RBM6: variants seen among roughly 807,000 people sequenced by gnomAD.
The protein encoded by RBM6 is RNA-binding protein 6.
In RBM6, 23 loss-of-function variants were observed where a neutral mutation model predicts 140.4. The ratio of observed to expected loss-of-function variants is 0.16; its 90% confidence interval spans 0.12 to 0.23. The LOEUF is 0.23. Ranked by LOEUF, RBM6 falls within the 10% of genes least tolerant of loss-of-function variation. The pLI is 1.00. For missense variants in RBM6, 1,139 were observed against 1,386.7 expected (o/e 0.82, Z 2.84); for synonymous variants, 439 against 475.6 (o/e 0.92, Z 1.00).
intron 1 of RBM6, among the ~76,000 whole-genome samples, chr3:49,946,997 T>G (rs1160331332): frequency 6.6e-6 from 1 of 150,396 alleles, no homozygotes; most frequent in Non-Finnish European, 1.5e-5. Flanking sequence ...TGGAGAAGTA[T>G]CTATTCATGT....
chr3:49,942,630 C>G (rs914531684), intron 1 of RBM6, among the ~76,000 whole-genome samples: 1 of 152,088 alleles, frequency 6.6e-6, no homozygotes, highest in East Asian at 1.9e-4. Context: ...TGGTGGCTCA[C>G]GCCTGTAATC....
intron 7 of RBM6, among the ~76,000 whole-genome samples, chr3:50,049,370 A>G (rs1447811008): frequency 6.6e-6 from 1 of 152,134 alleles, no homozygotes; most frequent in Non-Finnish European, 1.5e-5. Flanking sequence ...TCGGCCTCCC[A>G]AAGTATTGAG....
Position 50,000,424 on chromosome 3 carries a change from C to CT in RBM6, c.1557+924dup, listed in dbSNP as rs545032948. 1.9e-3 allele frequency among the ~76,000 whole-genome samples: 214 copies of CT among 113,588 alleles called. 2 individuals are homozygous for CT. The South Asian group carries it at 0.019, about 10-fold the overall frequency. 74.5% of individuals were successfully genotyped at this position (113,588 alleles called of 152,430 possible). A position where few individuals can be genotyped will look rare whatever the true frequency, so the allele number is the denominator to read the frequency against. Reference sequence around the variant, plus strand: ...GTGGGCCCAGAATCTTTCTTTCTTTCTTTTTTTTTTTTTGAGACGGAGTTT... The same window carrying CT: ...GTGGGCCCAGAATCTTTCTTTCTTTCTTTTTTTTTTTTTTGAGACGGAGTTT... On this transcript the variant is annotated intron_variant, in intron 6 of 20. Transcript: ENST00000266022.
At chr3:49,990,813 G>A (rs2248256) in intron 5 of RBM6, among the ~76,000 whole-genome samples, 4,897 of 152,270 alleles carry the variant, frequency 0.032, 275 homozygotes, top group African/African-American at 0.11. Flanking sequence ...ATAGATGGAT[G>A]TCTGAACATG....
chr3:49,972,640 C>A (rs2084854781), intron 4 of RBM6, among the ~76,000 whole-genome samples: 1 of 152,136 alleles, frequency 6.6e-6, no homozygotes, highest in Non-Finnish European at 1.5e-5. Context: ...ATTTAATTAT[C>A]ACATATTTAA....
chr3:50,060,984 A>T lies in RBM6; in HGVS notation c.2257A>T (p.Met753Leu). The T allele has an allele frequency of 1.9e-6, 3 of 1,588,982 alleles. No homozygotes were observed. The highest frequency in any genetic ancestry group is 2.6e-6 in the Non-Finnish European group (3 of 1,168,804). Reference sequence around the variant, plus strand: ...TGATTCTGGGGACCATTCTGACCACATGCATTACTATCAGGTAGGCTGTAA... The same window carrying T: ...TGATTCTGGGGACCATTCTGACCACTTGCATTACTATCAGGTAGGCTGTAA... Reference protein sequence around the residue: ...RNDSGDHSDHMHYYQGKKYFR... With the variant: ...RNDSGDHSDHLHYYQGKKYFR... The change falls in exon 12 of 21, where the codon ATG becomes TTG. Residue 753 changes from methionine (M) to leucine (L), a missense_variant. Met to Leu is a conservative substitution (Grantham distance 15). Transcript: ENST00000266022.
chr3:49,947,010 T>A (rs557357653), intron 1 of RBM6, among the ~76,000 whole-genome samples: 1 of 150,962 alleles, frequency 6.6e-6, no homozygotes, highest in South Asian at 2.1e-4. Flanking sequence ...ATTCATGTCT[T>A]TTGTTGACCA....
At chr3:50,060,783 T>C (rs1040466192) in intron 11 of RBM6, 173 bp from the exon 12 acceptor site, 2 of 415,982 alleles carry the variant, frequency 4.8e-6, no homozygotes, top group Non-Finnish European at 8.3e-6. Flanking sequence ...AAAAGAGTCT[T>C]ACTGCTCATT....
intron 5 of RBM6, among the ~76,000 whole-genome samples, chr3:49,978,774 C>A (rs1332830283): frequency 2.6e-5 from 4 of 152,080 alleles, no homozygotes; most frequent in African/African-American, 9.7e-5. Context: ...TACCAAAAAA[C>A]TTGACATTTA....
chr3:49,951,317 A>G (rs946855560), intron 1 of RBM6, among the ~76,000 whole-genome samples: 1 of 151,810 alleles, frequency 6.6e-6, no homozygotes, highest in African/African-American at 2.4e-5. Context: ...GGCACAAGCC[A>G]TCTTCCCACC....
chr3:50,033,141 A>T (rs1387078610), intron 6 of RBM6, among the ~76,000 whole-genome samples: 1 of 151,772 alleles, frequency 6.6e-6, no homozygotes, highest in Non-Finnish European at 1.5e-5. Context: ...TACTAAAAAT[A>T]CAAAAATTAG....
intron 6 of RBM6, among the ~76,000 whole-genome samples, chr3:50,024,092 G>GT (rs2108802393): frequency 6.6e-6 from 1 of 152,264 alleles, no homozygotes; most frequent in East Asian, 1.9e-4. Context: ...TCAAAAAGTA[G>GT]TTTATCTTAA....
At chr3:49,950,147 G>C (rs944425411) in intron 1 of RBM6, among the ~76,000 whole-genome samples, 4 of 152,136 alleles carry the variant, frequency 2.6e-5, no homozygotes, top group Admixed American at 6.6e-5. Flanking sequence ...GATCCAGGGA[G>C]TGGGTAGGCG....
Position 50,043,988 on chromosome 3 carries a change from A to G in RBM6, c.1558-4257A>G, listed in dbSNP as rs1237241349. On this transcript the variant is annotated intron_variant, in intron 6 of 20. Transcript: ENST00000266022. ...AACCTCCACCTCCCGGGTTCTAGCA[A>G]TTCTGCCTCAGTCTTCCGACTGGCT... Among the ~76,000 whole-genome samples the G allele has an allele frequency of 2.0e-5, 3 of 151,192 alleles. No homozygotes were observed. In the Admixed American group the frequency reaches 2.0e-4, roughly 10 times the overall value.
chr3:50,069,678 A>C (rs1184580466), intron 18 of RBM6, among the ~76,000 whole-genome samples: 2 of 152,124 alleles, frequency 1.3e-5, no homozygotes, highest in Non-Finnish European at 2.9e-5. Flanking sequence ...TCACAGAGTA[A>C]GTCCCTGTCT....
chr3:50,012,964 A>C (rs1333720459), intron 6 of RBM6, among the ~76,000 whole-genome samples: 3 of 149,126 alleles, frequency 2.0e-5, no homozygotes. Context: ...GCTGGTATTG[A>C]ACTCCCGACC....
At chr3:50,005,948 A>T (rs1487603527) in intron 6 of RBM6, among the ~76,000 whole-genome samples, 1 of 152,154 alleles carries the variant, frequency 6.6e-6, no homozygotes, top group Non-Finnish European at 1.5e-5. Flanking sequence ...AATGAGTACA[A>T]ACCAAGGGTT....
chr3:50,018,462 G>C (rs916134315), intron 6 of RBM6, among the ~76,000 whole-genome samples: 1 of 151,470 alleles, frequency 6.6e-6, no homozygotes, highest in African/African-American at 2.4e-5. Context: ...TCCATGTTTT[G>C]ACAGTTACGA....
intron 1 of RBM6, among the ~76,000 whole-genome samples, chr3:49,960,147 C>G (rs902976558): frequency 6.6e-6 from 1 of 152,130 alleles, no homozygotes. Context: ...CCCCCGCAGA[C>G]AGGGTAGAAC....
Sources: allele counts gnomAD v4.1 joint callset (sites outside exome capture counted in the v4.1 genomes callset), GRCh38; gene constraint gnomAD v4.1.1; transcripts MANE v1.5; gene names NCBI Gene and HGNC (gene_info 2026-07-23, HGNC 2026-07-21).